Variants in HIVEP3 observed in about 807,000 individuals in gnomAD.
HIVEP3 encodes transcription factor HIVEP3.
In HIVEP3, 49 loss-of-function variants were observed where a neutral mutation model predicts 152.8. That is an observed-to-expected ratio of 0.32 (90% CI 0.26 to 0.41). The LOEUF (loss-of-function observed/expected upper bound fraction) is 0.41, where lower values mean the gene tolerates loss of function less well. Among genes scored for constraint, HIVEP3 ranks in the 10% least tolerant of loss-of-function variants. The probability of loss-of-function intolerance (pLI) is 1.00; values close to 1 mark genes in which losing one functional copy is unlikely to be tolerated. For synonymous variants in HIVEP3, 1,269 were observed against 1,289.0 expected (o/e 0.98, Z 0.33); for missense variants, 2,790 against 3,103.3 (o/e 0.90, Z 2.40).
chr1:41,871,670 A>G (rs547101350), intron 1 of HIVEP3, among the ~76,000 whole-genome samples: 1 of 152,358 alleles, frequency 6.6e-6, no homozygotes, highest in East Asian at 1.9e-4. Flanking sequence ...TAGCAGGATA[A>G]TTTCACTATC....
intron 1 of HIVEP3, among the ~76,000 whole-genome samples, chr1:41,850,683 G>A (rs922129284): frequency 6.6e-6 from 1 of 152,154 alleles, no homozygotes; most frequent in Non-Finnish European, 1.5e-5. Context: ...AGGCTATGAT[G>A]GAAGCAATTC....
chr1:41,774,995 G>A (rs778585118), intron 1 of HIVEP3, among the ~76,000 whole-genome samples: 2 of 151,868 alleles, frequency 1.3e-5, no homozygotes, highest in African/African-American at 4.8e-5. Flanking sequence ...TTGAGATGGG[G>A]TTTCACGATG....
Position 41,584,551 on chromosome 1 carries a change from T to C in HIVEP3, c.247A>G (p.Arg83Gly), listed in dbSNP as rs2149109715. The change falls in exon 4 of 9, where the codon AGG (arginine) becomes GGG (glycine). Residue 83 changes from arginine (R) to glycine (G), a missense_variant. This residue lies in a region of HIVEP3 where 209 missense variants were observed against 237.0 expected (regional missense o/e 0.88). Transcript: ENST00000372583. The surrounding 1 kb of genome is among the most constrained non-coding windows in gnomAD (Gnocchi z 5.2). ...KTGQQQKPPKRPPIEASVHIS... is the reference protein window; with the variant it reads ...KTGQQQKPPKGPPIEASVHIS... ...TGGACGGATGCTTCGATGGGGGGCC[T>C]TTTGGGGGGCTTCTGCTGCTGGCCC... 1.2e-6 allele frequency: 2 copies of C among 1,613,786 alleles called. No individual in the cohort carries two copies. The highest frequency in any genetic ancestry group is 3.3e-5 in the Admixed American group (2 of 59,988).
chr1:41,674,609 G>A (rs762491299), intron 2 of HIVEP3, among the ~76,000 whole-genome samples: 3 of 152,152 alleles, frequency 2.0e-5, no homozygotes, highest in Non-Finnish European at 4.4e-5. Context: ...TCTGCCCGTC[G>A]ATGGGTTTCC....
intron 3 of HIVEP3, among the ~76,000 whole-genome samples, chr1:41,615,983 CTAAGA>C (rs1235355733): frequency 6.6e-6 from 1 of 152,006 alleles, no homozygotes; most frequent in Non-Finnish European, 1.5e-5. Flanking sequence ...TTTCTCTCTG[CTAAGA>C]TGACACTCTC....
At chr1:41,639,336 G>A (rs1645336044) in intron 2 of HIVEP3, among the ~76,000 whole-genome samples, 1 of 152,146 alleles carries the variant, frequency 6.6e-6, no homozygotes. Context: ...GAAGTAGCAT[G>A]GTATAGCATA....
chr1:41,828,324 C>A (rs906972045), intron 1 of HIVEP3, among the ~76,000 whole-genome samples: 3 of 152,240 alleles, frequency 2.0e-5, no homozygotes, highest in Middle Eastern at 3.2e-3. Context: ...TTGGAAGAAA[C>A]TGCCTTCCTC....
At chr1:41,901,568 C>T (rs1570772141) in intron 1 of HIVEP3, among the ~76,000 whole-genome samples, 1 of 152,084 alleles carries the variant, frequency 6.6e-6, no homozygotes, top group Admixed American at 6.5e-5. Flanking sequence ...GAGGCTGGTG[C>T]CTCAGAAGCC....
intron 3 of HIVEP3, among the ~76,000 whole-genome samples, chr1:41,618,752 C>G (rs1645005058): frequency 1.3e-5 from 2 of 152,196 alleles, no homozygotes; most frequent in South Asian, 4.1e-4. Flanking sequence ...GGCCCATTTT[C>G]CAGATGAGGA....
rs558800798 is a variant in HIVEP3 at position 41,582,577 on chromosome 1, C to T, written c.2221G>A (p.Gly741Arg). The stretch of plus-strand genomic sequence containing the variant: ...AGGTTCCGAGCAGCATCAGATGGCC[C>T]GGGGCTGCCAAACTGACTTTTTGTG... ...ESTKSQFGSP[G>R]PSDAARNLPL... The change falls in exon 4 of 9, where the codon GGG becomes AGG. Residue 741 changes from glycine to arginine, a missense_variant. By Grantham distance (125) the Gly-to-Arg change is moderately radical (BLOSUM62 -2). This residue lies in a region of HIVEP3 where 339 missense variants were observed against 327.0 expected (regional missense o/e 1.04). Coordinates refer to ENST00000372583, the MANE Select transcript of HIVEP3 (RefSeq NM_024503.5). The surrounding 1 kb of genome is among the most constrained non-coding windows in gnomAD (Gnocchi z 4.7). 3.2e-5 allele frequency: 51 copies of T among 1,612,264 alleles called. No individual in the cohort carries two copies. The highest frequency in any genetic ancestry group is 1.8e-4 in the South Asian group (16 of 90,794).
chr1:41,775,348 G>A (rs1648629562), intron 1 of HIVEP3, among the ~76,000 whole-genome samples: 1 of 152,180 alleles, frequency 6.6e-6, no homozygotes, highest in African/African-American at 2.4e-5. Flanking sequence ...CAGACACTAT[G>A]CTGTTCTTTC....
chr1:41,925,190 G>T (rs377053502), intron 1 of HIVEP3, among the ~76,000 whole-genome samples: 2 of 152,146 alleles, frequency 1.3e-5, no homozygotes, highest in African/African-American at 4.8e-5. Context: ...GAGACTATAC[G>T]TGGCTTGCAA....
intron 1 of HIVEP3, among the ~76,000 whole-genome samples, chr1:41,925,134 T>G (rs1644961422): frequency 6.6e-6 from 1 of 152,110 alleles, no homozygotes; most frequent in South Asian, 2.1e-4. Context: ...TAAAGGATTG[T>G]AAAAACAAAA....
At chr1:41,717,635 TTC>T (rs1225285615) in intron 1 of HIVEP3, among the ~76,000 whole-genome samples, 1 of 152,180 alleles carries the variant, frequency 6.6e-6, no homozygotes, top group Admixed American at 6.5e-5. Flanking sequence ...CCTGGTGTGT[TTC>T]TCTGACTCCT....
At chr1:41,721,209 T>C (rs2124168060) in intron 1 of HIVEP3, among the ~76,000 whole-genome samples, 1 of 152,214 alleles carries the variant, frequency 6.6e-6, no homozygotes, top group South Asian at 2.1e-4. Flanking sequence ...CTGCAATTTT[T>C]TTTTTTTTTG....
intron 2 of HIVEP3, among the ~76,000 whole-genome samples, chr1:41,672,611 G>A (rs1304417673): frequency 6.6e-6 from 1 of 152,206 alleles, no homozygotes; most frequent in African/African-American, 2.4e-5. Context: ...GAAGAAAAGG[G>A]TTTGATGAGC....
At chr1:41,894,382 T>C (rs1288132585) in intron 1 of HIVEP3, among the ~76,000 whole-genome samples, 2 of 152,212 alleles carry the variant, frequency 1.3e-5, no homozygotes, top group Non-Finnish European at 2.9e-5. Flanking sequence ...ATTAGCTCAC[T>C]CACAGGGCTG....
rs1570890836 is a variant in HIVEP3 at position 42,011,950 on chromosome 1, G to A, written n.119+23857C>T. On this transcript the variant is annotated intron_variant and non_coding_transcript_variant, in intron 1 of 3. Coordinates refer to the HIVEP3 transcript ENST00000489103. ...TGTGGACACAAGGAACTTCTCTACAGGGCCTCATCCTGGGAAACAACAAGA... is the reference window on the plus strand; with the variant it reads ...TGTGGACACAAGGAACTTCTCTACAAGGCCTCATCCTGGGAAACAACAAGA... Among the ~76,000 whole-genome samples, 4 of 152,264 alleles carry A rather than the reference G, an allele frequency of 2.6e-5. No homozygotes were observed. In the East Asian group the frequency reaches 5.8e-4, roughly 22 times the overall value.
intron 2 of HIVEP3, among the ~76,000 whole-genome samples, chr1:41,670,948 C>T (rs1444312690): frequency 6.6e-6 from 1 of 152,194 alleles, no homozygotes; most frequent in Non-Finnish European, 1.5e-5. Context: ...GGGGCCTGCT[C>T]AGGCAGATAA....
Sources: allele counts gnomAD v4.1 joint callset (sites outside exome capture counted in the v4.1 genomes callset), GRCh38; gene constraint gnomAD v4.1.1; regional missense constraint gnomAD v4.1.1; non-coding constraint Gnocchi (gnomAD v3.1); transcripts MANE v1.5; gene names NCBI Gene and HGNC (gene_info 2026-07-23, HGNC 2026-07-21).